SSBP2: variants seen among roughly 807,000 people sequenced by gnomAD.
SSBP2 encodes the protein single stranded DNA binding protein 2.
A neutral mutation model predicts 61.8 loss-of-function variants in SSBP2; 17 were observed. The observed-to-expected ratio is 0.28, with a 90% CI of 0.19 to 0.41. The LOEUF (loss-of-function observed/expected upper bound fraction) is 0.41, where lower values mean the gene tolerates loss of function less well. SSBP2 is among the 10% of genes least tolerant of loss of function. The pLI, the probability that SSBP2 is intolerant of heterozygous loss-of-function variation, is 1.00. For missense variants in SSBP2, 310 were observed against 458.7 expected (o/e 0.68, Z 2.96); for synonymous variants, 139 against 141.3 (o/e 0.98, Z 0.12).
intron 9 of SSBP2, among the ~76,000 whole-genome samples, chr5:81,465,219 A>G (rs1295386747): frequency 6.6e-6 from 1 of 152,072 alleles, no homozygotes; most frequent in African/African-American, 2.4e-5. Flanking sequence ...GTTCTTTACA[A>G]AGAAGATATT....
At chr5:81,705,222 A>G (rs1754283859) in intron 1 of SSBP2, among the ~76,000 whole-genome samples, 2 of 152,176 alleles carry the variant, frequency 1.3e-5, no homozygotes, top group Admixed American at 1.3e-4. Flanking sequence ...AGGGGAGAGG[A>G]AAACACTTGA....
At chr5:81,564,076 C>T (rs1315445400) in intron 4 of SSBP2, among the ~76,000 whole-genome samples, 3 of 152,028 alleles carry the variant, frequency 2.0e-5, no homozygotes, top group African/African-American at 7.2e-5. Flanking sequence ...CCAATTAAAA[C>T]GTGGGCTAAG....
At chr5:81,461,213 T>C in intron 9 of SSBP2, 110 bp from the exon 10 acceptor site, 1 of 766,012 alleles carries the variant, frequency 1.3e-6, no homozygotes, top group South Asian at 2.8e-5. Context: ...TATGCAGTTC[T>C]AGTTTGGCAC....
rs570537460 is a variant in SSBP2 at position 81,719,548 on chromosome 5, CAGA to C, written c.62+31430_62+31432del. Among the ~76,000 whole-genome samples, 526 of 152,250 alleles carry C rather than the reference CAGA, an allele frequency of 3.5e-3. 4 individuals are homozygous for C. Among genetic ancestry groups the C allele is most frequent in the African/African-American group, 0.012 (501 of 41,560 alleles). Reference sequence around the variant, plus strand: ...TAGCCAGAGACAGCAAAGGGTACTCCAGAAGAAGGCTGGCTCACGTCTTAAAAT... The same window carrying C: ...TAGCCAGAGACAGCAAAGGGTACTCCAGAAGGCTGGCTCACGTCTTAAAAT... On this transcript the variant is annotated intron_variant, in intron 1 of 16. Transcript: ENST00000320672.
At chr5:81,557,093 C>A (rs542884728) in intron 4 of SSBP2, among the ~76,000 whole-genome samples, 3 of 152,086 alleles carry the variant, frequency 2.0e-5, no homozygotes, top group African/African-American at 7.2e-5. Context: ...GCCTTTATGG[C>A]CTAGCCTCTA....
intron 3 of SSBP2, among the ~76,000 whole-genome samples, chr5:81,627,808 A>C (rs1302889055): frequency 6.6e-6 from 1 of 152,174 alleles, no homozygotes; most frequent in Middle Eastern, 3.2e-3. Context: ...CTGTAATCCC[A>C]GCACTTTGGC....
chr5:81,655,114 C>T (rs1018287535), intron 1 of SSBP2, among the ~76,000 whole-genome samples: 21 of 152,016 alleles, frequency 1.4e-4, no homozygotes, highest in African/African-American at 5.1e-4. Flanking sequence ...CCATCATCGT[C>T]CTCCAGCATG....
chr5:81,650,870 CTTTAG>C (rs966292291), intron 1 of SSBP2, among the ~76,000 whole-genome samples: 9 of 152,210 alleles, frequency 5.9e-5, no homozygotes, highest in African/African-American at 1.9e-4. Flanking sequence ...GCCAATAATA[CTTTAG>C]TTTATAAGGC....
At chr5:81,478,084 G>A (rs1317587707) in intron 6 of SSBP2, among the ~76,000 whole-genome samples, 1 of 152,114 alleles carries the variant, frequency 6.6e-6, no homozygotes, top group East Asian at 1.9e-4. Context: ...AATGATGTAG[G>A]AGGAGGACTA....
At chr5:81,608,860 G>T (rs754697955) in intron 4 of SSBP2, among the ~76,000 whole-genome samples, 54 of 152,076 alleles carry the variant, frequency 3.6e-4, no homozygotes, top group Non-Finnish European at 5.7e-4. Flanking sequence ...TCCAAAGTGG[G>T]ATTACAGAGG....
rs531770397 is a variant in SSBP2, at chr5:81,545,107, T to C, written c.283-31390A>G. 2.6e-5 allele frequency among the ~76,000 whole-genome samples: 4 copies of C among 152,326 alleles called. No homozygotes were observed. In the South Asian group the frequency reaches 6.2e-4, roughly 24 times the overall value. ...GTGGCCAGCTTTAACAATTAATAAGTATACAGAGAGCACAGCTGAATTTGA... is the reference window on the plus strand; with the variant it reads ...GTGGCCAGCTTTAACAATTAATAAGCATACAGAGAGCACAGCTGAATTTGA... On this transcript the variant is annotated intron_variant, in intron 4 of 16. Transcript: ENST00000320672.
rs1389218535 is a variant in SSBP2, at chr5:81,417,144, A to G, written c.*3360T>C. 6.6e-6 allele frequency: 1 copy of G among 152,224 alleles called. No homozygotes were observed. Among genetic ancestry groups the G allele is most frequent in the East Asian group, 1.9e-4 (1 of 5,192 alleles). 9.4% of individuals were successfully genotyped at this position (152,224 alleles called of 1,614,324 possible). A position where few individuals can be genotyped will look rare whatever the true frequency, so the allele number is the denominator to read the frequency against. ...CCTCCCAAGTGCTGGGATTACAGGC[A>G]TGAGTGCCCAGGCGGCAATTGAGAA... On this transcript the variant is annotated 3_prime_UTR_variant, in exon 17 of 17. Transcript: ENST00000320672.
At chr5:81,498,096 T>G (rs1767426301) in intron 5 of SSBP2, among the ~76,000 whole-genome samples, 1 of 152,124 alleles carries the variant, frequency 6.6e-6, no homozygotes, top group Non-Finnish European at 1.5e-5. Flanking sequence ...ACAACATATT[T>G]TAGTTGAAAT....
intron 1 of SSBP2, among the ~76,000 whole-genome samples, chr5:81,672,572 T>C (rs1561677539): frequency 6.6e-6 from 1 of 151,288 alleles, no homozygotes; most frequent in East Asian, 1.9e-4. Context: ...AGATACTTTT[T>C]CTTTTTTTTT....
intron 1 of SSBP2, among the ~76,000 whole-genome samples, chr5:81,748,595 C>A (rs904189596): frequency 2.0e-5 from 3 of 152,130 alleles, no homozygotes; most frequent in Non-Finnish European, 4.4e-5. Context: ...CGACAATTAA[C>A]CCAGAACAGT....
intron 4 of SSBP2, among the ~76,000 whole-genome samples, chr5:81,584,463 T>A (rs1162150984): frequency 6.6e-6 from 1 of 152,192 alleles, no homozygotes; most frequent in African/African-American, 2.4e-5. Flanking sequence ...GGCAACCTTT[T>A]AAACTCTATT....
chr5:81,670,670 C>G (rs1751519791), intron 1 of SSBP2, among the ~76,000 whole-genome samples: 1 of 152,160 alleles, frequency 6.6e-6, no homozygotes, highest in African/African-American at 2.4e-5. Flanking sequence ...ATAATTTCCT[C>G]CTCGCTTTAC....
At chr5:81,474,448 C>T (rs1222459689) in intron 7 of SSBP2, 48 bp downstream of exon 7, 1 of 1,513,240 alleles carries the variant, frequency 6.6e-7, no homozygotes, top group South Asian at 1.1e-5. Context: ...TAAAAGATTT[C>T]CTCTATGGTT....
chr5:81,503,198 T>C (rs957847726), intron 5 of SSBP2, among the ~76,000 whole-genome samples: 1 of 152,170 alleles, frequency 6.6e-6, no homozygotes, highest in African/African-American at 2.4e-5. Context: ...CTCATACCTG[T>C]AATTCCAGCA....
Sources: allele counts gnomAD v4.1 joint callset (sites outside exome capture counted in the v4.1 genomes callset), GRCh38; gene constraint gnomAD v4.1.1; transcripts MANE v1.5; gene names NCBI Gene and HGNC (gene_info 2026-07-23, HGNC 2026-07-21).